Variants in MAGI2 observed in about 807,000 individuals in gnomAD.
MAGI2 encodes the protein membrane-associated guanylate kinase, WW and PDZ domain-containing protein 2.
MAGI2 carries 35 observed loss-of-function variants against 133.3 expected under a neutral mutation model. The ratio of observed to expected loss-of-function variants is 0.26; its 90% CI spans 0.20 to 0.35. The LOEUF is 0.35. Among genes scored for constraint, MAGI2 ranks in the 10% least tolerant of loss-of-function variants. The pLI is 1.00. For missense variants in MAGI2, 1,636 were observed against 1,863.4 expected (o/e 0.88, Z 2.25); for synonymous variants, 729 against 710.6 (o/e 1.03, Z -0.41).
intron 1 of MAGI2, among the ~76,000 whole-genome samples, chr7:79,384,757 A>G (rs540174030): frequency 1.3e-5 from 2 of 151,750 alleles, no homozygotes; most frequent in Non-Finnish European, 3.0e-5. Context: ...CAAAGATTCA[A>G]TGGACAATAA....
At chr7:78,524,534 G>T (rs895132708) in intron 3 of MAGI2, among the ~76,000 whole-genome samples, 4 of 152,082 alleles carry the variant, frequency 2.6e-5, no homozygotes, top group African/African-American at 4.8e-5. Context: ...AAATTAAGTT[G>T]TAAAGTGGTT....
intron 15 of MAGI2, 104 bp downstream of exon 15, chr7:78,167,812 T>G: frequency 9.8e-7 from 1 of 1,024,484 alleles, no homozygotes; most frequent in Non-Finnish European, 1.4e-6. Flanking sequence ...CCTCATATAA[T>G]GTAGAAATGG....
chr7:78,756,518 G>T (rs1040531088), intron 2 of MAGI2, among the ~76,000 whole-genome samples: 1 of 152,116 alleles, frequency 6.6e-6, no homozygotes, highest in Non-Finnish European at 1.5e-5. Context: ...AGAATGAACC[G>T]ATTAGTGGGA....
At chr7:79,403,103 C>T (rs751267071) in intron 1 of MAGI2, among the ~76,000 whole-genome samples, 6 of 152,108 alleles carry the variant, frequency 3.9e-5, no homozygotes, top group Non-Finnish European at 7.4e-5. Context: ...ATATTATGCA[C>T]CTGAAAATAT....
chr7:78,053,178 C>T (rs1273661776), intron 21 of MAGI2, among the ~76,000 whole-genome samples: 1 of 152,142 alleles, frequency 6.6e-6, no homozygotes, highest in Non-Finnish European at 1.5e-5. Flanking sequence ...AAAGAGAGCC[C>T]ATTAGAGCAT....
chr7:78,878,980 C>G (rs1795637193), intron 2 of MAGI2, among the ~76,000 whole-genome samples: 1 of 152,120 alleles, frequency 6.6e-6, no homozygotes. Flanking sequence ...TGTGTAGAGA[C>G]TATAGTTCAG....
intron 2 of MAGI2, among the ~76,000 whole-genome samples, chr7:78,669,340 C>T (rs546572103): frequency 5.0e-4 from 76 of 151,840 alleles, no homozygotes; most frequent in African/African-American, 1.7e-3. Flanking sequence ...ATAAATTCCT[C>T]AACACATACA....
intron 2 of MAGI2, among the ~76,000 whole-genome samples, chr7:78,917,914 T>C (rs1437100407): frequency 2.0e-5 from 3 of 152,172 alleles, no homozygotes; most frequent in Non-Finnish European, 4.4e-5. Context: ...GAATGGTGCA[T>C]TGAGCTTCCA....
intron 2 of MAGI2, among the ~76,000 whole-genome samples, chr7:78,791,544 T>C (rs1827241439): frequency 6.7e-6 from 1 of 150,118 alleles, no homozygotes; most frequent in Non-Finnish European, 1.5e-5. Context: ...AAACAATCTT[T>C]TTTTTTTTTT....
At chr7:78,543,301 A>C (rs1387059900) in intron 3 of MAGI2, among the ~76,000 whole-genome samples, 1 of 152,210 alleles carries the variant, frequency 6.6e-6, no homozygotes, top group Non-Finnish European at 1.5e-5. Flanking sequence ...ATGAACAGCT[A>C]TTCAGTTCAG....
chr7:78,532,222 C>T (rs1234153964), intron 3 of MAGI2, among the ~76,000 whole-genome samples: 1 of 152,164 alleles, frequency 6.6e-6, no homozygotes, highest in East Asian at 1.9e-4. Context: ...TTAAAGGATG[C>T]AAGGACAACA....
At chr7:78,563,474 T>G (rs749564911) in intron 3 of MAGI2, among the ~76,000 whole-genome samples, 19 of 151,956 alleles carry the variant, frequency 1.3e-4, no homozygotes, top group Non-Finnish European at 2.5e-4. Flanking sequence ...GGATTACGAG[T>G]TTTTGGAAAC....
intron 1 of MAGI2, among the ~76,000 whole-genome samples, chr7:79,150,512 G>T (rs1470178184): frequency 6.6e-6 from 1 of 152,042 alleles, no homozygotes; most frequent in Non-Finnish European, 1.5e-5. Flanking sequence ...ATTTATACTT[G>T]TCAAATGACT....
chr7:78,586,956 TTTTG>T (rs1379435242), intron 3 of MAGI2, among the ~76,000 whole-genome samples: 1 of 152,230 alleles, frequency 6.6e-6, no homozygotes, highest in Non-Finnish European at 1.5e-5. Flanking sequence ...ATATACCACA[TTTTG>T]TTTATCTGTT....
chr7:79,111,812 G>A lies in MAGI2; in HGVS notation c.302-104606C>T, dbSNP rs561708390. On this transcript the variant is annotated intron_variant, in intron 1 of 21. Transcript: ENST00000354212. ...CTCCCAAGTAGCTGGGACTACAGGC[G>A]CCCGCCACCATGCCTGGCTAATTTT... Among the ~76,000 whole-genome samples, 8 of 152,004 alleles carry A rather than the reference G, an allele frequency of 5.3e-5. No individual in the cohort carries two copies. In the South Asian group the frequency reaches 1.5e-3, roughly 28 times the overall value.
chr7:78,546,843 C>A (rs1798890137), intron 3 of MAGI2, among the ~76,000 whole-genome samples: 1 of 152,186 alleles, frequency 6.6e-6, no homozygotes, highest in Admixed American at 6.5e-5. Context: ...ACAGTGCCTA[C>A]CACACAGAGT....
chr7:78,293,783 T>C (rs941803450), intron 9 of MAGI2, among the ~76,000 whole-genome samples: 10 of 152,272 alleles, frequency 6.6e-5, no homozygotes, highest in African/African-American at 2.4e-4. Context: ...ATGTCCTTTG[T>C]AGGGACATGG....
intron 2 of MAGI2, among the ~76,000 whole-genome samples, chr7:78,749,998 A>G (rs1234270867): frequency 6.6e-6 from 1 of 152,084 alleles, no homozygotes; most frequent in Non-Finnish European, 1.5e-5. Flanking sequence ...CCTGTCATCT[A>G]CATTAGGTAT....
chr7:78,818,988 T>A (rs1002880585), intron 2 of MAGI2, among the ~76,000 whole-genome samples: 5 of 152,122 alleles, frequency 3.3e-5, no homozygotes, highest in Non-Finnish European at 7.4e-5. Flanking sequence ...ATGTTCATAA[T>A]TTTTCAAATG....
Sources: allele counts gnomAD v4.1 joint callset (sites outside exome capture counted in the v4.1 genomes callset), GRCh38; gene constraint gnomAD v4.1.1; transcripts MANE v1.5; gene names NCBI Gene and HGNC (gene_info 2026-07-23, HGNC 2026-07-21).